The following CNTNAP2 variants were observed in gnomAD, a reference collection of about 807,000 sequenced individuals.
CNTNAP2 encodes the protein contactin-associated protein-like 2.
A neutral mutation model predicts 155.2 loss-of-function variants in CNTNAP2; 98 were observed. That is an observed-to-expected ratio of 0.63 (90% CI 0.54 to 0.75). The LOEUF (loss-of-function observed/expected upper bound fraction) is 0.75, where lower values mean the gene tolerates loss of function less well. Among genes scored for constraint, CNTNAP2 ranks in the 30% least tolerant of loss-of-function variants. The pLI is 0.00. For missense variants in CNTNAP2, 1,727 were observed against 1,688.1 expected, an observed-to-expected ratio of 1.02 and a Z score of -0.40; for synonymous variants, 651 against 631.2, an observed-to-expected ratio of 1.03 and a Z score of -0.47.
At chr7:146,353,698 A>T (rs1794955652) in intron 1 of CNTNAP2, among the ~76,000 whole-genome samples, 1 of 152,094 alleles carries the variant, frequency 6.6e-6, no homozygotes, top group Admixed American at 6.6e-5. Flanking sequence ...CTTTACCTGG[A>T]AAGTATGTTA....
intron 14 of CNTNAP2, among the ~76,000 whole-genome samples, chr7:147,975,302 T>A (rs1251076039): frequency 6.6e-6 from 1 of 151,710 alleles, no homozygotes; most frequent in African/African-American, 2.4e-5. Flanking sequence ...TCTGATGGAG[T>A]GTACTGATTG....
intron 9 of CNTNAP2, among the ~76,000 whole-genome samples, chr7:147,372,434 C>T (rs1796363087): frequency 6.6e-6 from 1 of 152,034 alleles, no homozygotes; most frequent in Non-Finnish European, 1.5e-5. Flanking sequence ...TTGTGTGTGG[C>T]TCCTATCATT....
intron 8 of CNTNAP2, among the ~76,000 whole-genome samples, chr7:147,281,502 T>TAG (rs1805033191): frequency 6.6e-6 from 1 of 151,766 alleles, no homozygotes; most frequent in Admixed American, 6.6e-5. Context: ...TACTTTCCTT[T>TAG]AGTATATTCA....
intron 1 of CNTNAP2, among the ~76,000 whole-genome samples, chr7:146,466,616 T>A (rs1198038837): frequency 6.6e-6 from 1 of 152,140 alleles, no homozygotes; most frequent in Non-Finnish European, 1.5e-5. Flanking sequence ...TTATTCTAGA[T>A]TCCAGTAGAA....
intron 1 of CNTNAP2, among the ~76,000 whole-genome samples, chr7:146,688,012 C>T (rs1170255550): frequency 6.6e-6 from 1 of 152,072 alleles, no homozygotes; most frequent in African/African-American, 2.4e-5. Flanking sequence ...GGTGCAGAAA[C>T]TTAATTTCTG....
intron 11 of CNTNAP2, among the ~76,000 whole-genome samples, chr7:147,511,991 A>G (rs572432146): frequency 6.6e-6 from 1 of 152,342 alleles, no homozygotes; most frequent in East Asian, 1.9e-4. Flanking sequence ...CTCGTGATGC[A>G]TGTAATTACC....
intron 12 of CNTNAP2, among the ~76,000 whole-genome samples, chr7:147,619,956 C>A (rs1164946301): frequency 1.3e-5 from 2 of 152,148 alleles, no homozygotes; most frequent in Admixed American, 6.5e-5. Context: ...GTCACTCCAC[C>A]CCTAGCTTTC....
intron 21 of CNTNAP2, among the ~76,000 whole-genome samples, chr7:148,321,757 G>A (rs1451855565): frequency 6.6e-6 from 1 of 152,106 alleles, no homozygotes; most frequent in African/African-American, 2.4e-5. Flanking sequence ...GAGTAAACTT[G>A]CTTCGATGCA....
At chr7:146,745,644 G>A (rs1381335409) in intron 1 of CNTNAP2, among the ~76,000 whole-genome samples, 1 of 151,870 alleles carries the variant, frequency 6.6e-6, no homozygotes, top group Non-Finnish European at 1.5e-5. Flanking sequence ...GTGCACACCT[G>A]TAATCCCAGC....
chr7:146,674,551 G>T (rs1327091108), intron 1 of CNTNAP2, among the ~76,000 whole-genome samples: 1 of 152,074 alleles, frequency 6.6e-6, no homozygotes, highest in African/African-American at 2.4e-5. Flanking sequence ...AGGTTCAGTG[G>T]CTGAGGCCTG....
At chr7:147,038,975 G>A (rs1584798258) in intron 3 of CNTNAP2, among the ~76,000 whole-genome samples, 1 of 151,972 alleles carries the variant, frequency 6.6e-6, no homozygotes, top group Admixed American at 6.6e-5. Context: ...CTTCTCCCCT[G>A]TTCATTCCTT....
chr7:148,390,023 A>AAATGAAAGAAGGGTCCCTTTG (rs936429360), intron 22 of CNTNAP2, among the ~76,000 whole-genome samples: 3 of 152,310 alleles, frequency 2.0e-5, no homozygotes, highest in African/African-American at 7.2e-5. Context: ...ATCACTCACC[A>AAATGAAAGAAGGGTCCCTTTG]AATGAAAGAA....
At chr7:147,820,655 T>C (rs1489133153) in intron 13 of CNTNAP2, among the ~76,000 whole-genome samples, 1 of 152,154 alleles carries the variant, frequency 6.6e-6, no homozygotes, top group Non-Finnish European at 1.5e-5. Flanking sequence ...AGCTTTTAGA[T>C]TTGTTACTGA....
chr7:146,200,674 T>C (rs1184492728), intron 1 of CNTNAP2, among the ~76,000 whole-genome samples: 1 of 152,124 alleles, frequency 6.6e-6, no homozygotes, highest in African/African-American at 2.4e-5. Context: ...CTAGGAGAAA[T>C]AGGACATGCC....
At chr7:147,333,093 G>A (rs1336272567) in intron 9 of CNTNAP2, among the ~76,000 whole-genome samples, 1 of 152,116 alleles carries the variant, frequency 6.6e-6, no homozygotes, top group Non-Finnish European at 1.5e-5. Flanking sequence ...AGGCCATAGT[G>A]CTCCCCAGAA....
rs1193842736 is a variant in CNTNAP2, at chr7:146,483,280, AAAATATATATATATATATATATATAT to A, written c.98-290989_98-290964del. On this transcript the variant is annotated intron_variant, in intron 1 of 23. Coordinates refer to ENST00000361727, the MANE Select transcript of CNTNAP2 (RefSeq NM_014141.6). Reference sequence around the variant, plus strand: ...AACAGAGCAAGACTCCGTCTAAAAAAAAATATATATATATATATATATATATATATATATATATATATATATATACA... The same window carrying A: ...AACAGAGCAAGACTCCGTCTAAAAAAATATATATATATATATATATATACA... Among the ~76,000 whole-genome samples, 51 of 54,470 alleles carry A rather than the reference AAAATATATATATATATATATATATAT, an allele frequency of 9.4e-4. 1 individual carries two copies. The highest frequency in any genetic ancestry group is 4.2e-3 in the African/African-American group (51 of 12,154). The allele number at this position is 54,470 out of a possible 152,430, so 35.7% of individuals were successfully genotyped here.
intron 1 of CNTNAP2, among the ~76,000 whole-genome samples, chr7:146,210,591 GT>G (rs1254056667): frequency 6.6e-6 from 1 of 152,072 alleles, no homozygotes; most frequent in Non-Finnish European, 1.5e-5. Flanking sequence ...GGTGTGAGCC[GT>G]TGTGCCTGGC....
intron 11 of CNTNAP2, among the ~76,000 whole-genome samples, chr7:147,505,905 G>T (rs1294168242): frequency 6.6e-6 from 1 of 151,956 alleles, no homozygotes; most frequent in Non-Finnish European, 1.5e-5. Flanking sequence ...AATGGGTTTG[G>T]ATCAGATCTT....
intron 21 of CNTNAP2, among the ~76,000 whole-genome samples, chr7:148,348,353 A>AGG (rs764706069): frequency 3.9e-5 from 6 of 152,246 alleles, no homozygotes; most frequent in Non-Finnish European, 8.8e-5. Context: ...AAAGTAAGAT[A>AGG]GTTTCCTGCA....
Sources: allele counts gnomAD v4.1 joint callset (sites outside exome capture counted in the v4.1 genomes callset), GRCh38; gene constraint gnomAD v4.1.1; transcripts MANE v1.5; gene names NCBI Gene and HGNC (gene_info 2026-07-23, HGNC 2026-07-21).